CCAR1: variants seen among roughly 807,000 people sequenced by gnomAD.
The protein encoded by CCAR1 is cell division cycle and apoptosis regulator protein 1.
In CCAR1, 78 loss-of-function variants were observed where a neutral mutation model predicts 163.8. That is an observed-to-expected ratio of 0.48 (90% CI 0.40 to 0.57). The LOEUF (loss-of-function observed/expected upper bound fraction) is 0.57. Among genes scored for constraint, CCAR1 ranks in the 20% least tolerant of loss-of-function variants. CCAR1 has a pLI of 0.00. For synonymous variants in CCAR1, 443 were observed against 460.7 expected (o/e 0.96, Z 0.49); for missense variants, 1,019 against 1,365.2 (o/e 0.75, Z 4.00).
intron 20 of CCAR1, 88 bp from the exon 21 acceptor site, chr10:68,786,458 A>ATC (rs2056796465): frequency 1.1e-6 from 1 of 898,458 alleles, no homozygotes; most frequent in Admixed American, 3.1e-5. Flanking sequence ...GATTATTGCT[A>ATC]TCTTATGCAC....
intron 10 of CCAR1, among the ~76,000 whole-genome samples, chr10:68,750,014 G>T (rs543708569): frequency 6.6e-6 from 1 of 152,116 alleles, no homozygotes; most frequent in Non-Finnish European, 1.5e-5. Context: ...GTATGATAAA[G>T]CAATAATAGA....
intron 12 of CCAR1, 37 bp from the exon 13 acceptor site, chr10:68,755,333 G>A (rs1589169376): frequency 6.4e-7 from 1 of 1,568,064 alleles, no homozygotes; most frequent in East Asian, 2.2e-5. Context: ...TTGACAGGGT[G>A]CGTAATATAT....
chr10:68,776,939 A>G (rs553011340), intron 19 of CCAR1, among the ~76,000 whole-genome samples: 3 of 152,290 alleles, frequency 2.0e-5, no homozygotes, highest in South Asian at 4.2e-4. Context: ...CAAAATCAGT[A>G]TATCTGAAAC....
chr10:68,736,458 A>T (rs2056112122), intron 2 of CCAR1, among the ~76,000 whole-genome samples: 1 of 152,092 alleles, frequency 6.6e-6, no homozygotes, highest in South Asian at 2.1e-4. Context: ...CTCCTAACTG[A>T]AACCTTTGAC....
chr10:68,749,384 T>C lies in CCAR1; in HGVS notation c.956+119T>C, dbSNP rs376114545. 3.8e-5 allele frequency: 49 copies of C among 1,283,606 alleles called. 1 individual carries two copies. In the East Asian group the frequency reaches 4.3e-4, roughly 11 times the overall value. The allele number at this position is 1,283,606 out of a possible 1,614,324, so 79.5% of individuals were successfully genotyped here. On this transcript the variant is annotated intron_variant, in intron 9 of 24. Coordinates refer to ENST00000265872, the MANE Select transcript of CCAR1 (RefSeq NM_018237.4). ...TTTTAAAATGGTAAATTTTATGTTA[T>C]GTCTATTTTACTACAATTTTTAAAA...
intron 10 of CCAR1, among the ~76,000 whole-genome samples, chr10:68,752,222 A>G (rs191718715): frequency 8.5e-4 from 130 of 152,218 alleles, no homozygotes; most frequent in Admixed American, 2.0e-3. Context: ...CCGGCCTCAC[A>G]GTTTAGTTTT....
chr10:68,791,118 C>G, intron 24 of CCAR1, 89 bp from the exon 25 acceptor site: 1 of 665,244 alleles, frequency 1.5e-6, no homozygotes, highest in South Asian at 2.5e-5. Context: ...AAAAAGTATA[C>G]CAAACTGAAT....
intron 19 of CCAR1, among the ~76,000 whole-genome samples, chr10:68,778,048 T>G (rs2056690069): frequency 6.6e-6 from 1 of 152,064 alleles, no homozygotes; most frequent in South Asian, 2.1e-4. Flanking sequence ...GTGAAACCCC[T>G]TCTGCTAAAA....
intron 2 of CCAR1, among the ~76,000 whole-genome samples, chr10:68,723,137 T>A: frequency 6.6e-6 from 1 of 151,604 alleles, no homozygotes; most frequent in South Asian, 2.1e-4. Flanking sequence ...TTTATTTATT[T>A]ATTTTTTTGA....
intron 19 of CCAR1, among the ~76,000 whole-genome samples, chr10:68,782,499 T>C (rs1045947637): frequency 1.3e-5 from 2 of 152,134 alleles, no homozygotes; most frequent in African/African-American, 4.8e-5. Flanking sequence ...CTATGCTAAG[T>C]AAATTTTCAA....
chr10:68,747,704 C>T (rs1004100760), intron 8 of CCAR1, 138 bp downstream of exon 8: 1 of 641,718 alleles, frequency 1.6e-6, no homozygotes, highest in Middle Eastern at 2.7e-4. Context: ...CATCTACTTC[C>T]ATAGCTATGT....
In CCAR1 at chr10:68,722,711, C is replaced by G. The variant is rs1400271984; in HGVS notation, c.73+134C>G. 3 of 640,846 alleles carry G rather than the reference C, an allele frequency of 4.7e-6. No homozygotes were observed. The African/African-American group carries it at 5.5e-5, about 12-fold the overall frequency. 39.7% of individuals were successfully genotyped at this position (640,846 alleles called of 1,614,324 possible). A position where few individuals can be genotyped will look rare whatever the true frequency, so the allele number is the denominator to read the frequency against. ...AAGCGGAGGAGGTGGATCACGAGGTCAGGAGTTCGTAACCAGCCTGGCCAA... is the reference window on the plus strand; with the variant it reads ...AAGCGGAGGAGGTGGATCACGAGGTGAGGAGTTCGTAACCAGCCTGGCCAA... On this transcript the variant is annotated intron_variant, in intron 2 of 24. Transcript: ENST00000265872.
intron 10 of CCAR1, among the ~76,000 whole-genome samples, chr10:68,753,102 C>CTTTAAAAAAGACAATGTAGTTGTG (rs2056355142): frequency 6.6e-6 from 1 of 152,170 alleles, no homozygotes; most frequent in African/African-American, 2.4e-5. Flanking sequence ...TTTTAGTTGT[C>CTTTAAAAAAGACAATGTAGTTGTG]TTTTCATCTT....
At chr10:68,774,831 C>A in intron 19 of CCAR1, 1 of 326,082 alleles carries the variant, frequency 3.1e-6, no homozygotes, top group Non-Finnish European at 5.8e-6. Flanking sequence ...CGATCAAATA[C>A]CTCAAAAGTG....
intron 19 of CCAR1, among the ~76,000 whole-genome samples, chr10:68,777,404 G>C (rs1238513143): frequency 6.6e-6 from 1 of 152,122 alleles, no homozygotes; most frequent in South Asian, 2.1e-4. Context: ...GTTCAGGCTG[G>C]GCATGGTGGC....
rs2056601245 is a variant in CCAR1, at chr10:68,771,458, A to AG, written c.2538+13_2538+14insG. ...AGATGAAAGGAAGGTCTGTAATAAC[A>AG]ACCTGCTTTAGAAGCTTTCAGTTAC... is the stretch of plus-strand genomic sequence containing the variant. On this transcript the variant is annotated intron_variant, in intron 18 of 24. Coordinates refer to ENST00000265872, the MANE Select transcript of CCAR1 (RefSeq NM_018237.4). The AG allele has an allele frequency of 6.4e-7, 1 of 1,567,156 alleles. No individual in the cohort carries two copies. Among genetic ancestry groups the AG allele is most frequent in the African/African-American group, 1.4e-5 (1 of 72,456 alleles).
chr10:68,722,727 G>T, intron 2 of CCAR1, 150 bp downstream of exon 2: 1 of 599,938 alleles, frequency 1.7e-6, no homozygotes, highest in South Asian at 2.0e-5. Flanking sequence ...TTCGTAACCA[G>T]CCTGGCCAAC....
chr10:68,787,670 T>C (rs1005709866), intron 21 of CCAR1, among the ~76,000 whole-genome samples: 1 of 151,954 alleles, frequency 6.6e-6, no homozygotes, highest in African/African-American at 2.4e-5. Flanking sequence ...ACCCTGTCTC[T>C]CCAAAAATAC....
chr10:68,726,376 C>T (rs935202989), intron 2 of CCAR1, among the ~76,000 whole-genome samples: 1 of 151,922 alleles, frequency 6.6e-6, no homozygotes, highest in African/African-American at 2.4e-5. Flanking sequence ...TGGTCTTGAT[C>T]TCCTGACCTT....
Sources: allele counts gnomAD v4.1 joint callset (sites outside exome capture counted in the v4.1 genomes callset), GRCh38; gene constraint gnomAD v4.1.1; transcripts MANE v1.5; gene names NCBI Gene and HGNC (gene_info 2026-07-23, HGNC 2026-07-21).